Variants in AGBL4 observed in about 807,000 individuals in gnomAD.
AGBL4 encodes cytosolic carboxypeptidase 6.
A neutral mutation model predicts 66.4 loss-of-function variants in AGBL4; 58 were observed. The ratio of observed to expected loss-of-function variants is 0.87; its 90% CI spans 0.71 to 1.09. The LOEUF (loss-of-function observed/expected upper bound fraction) is 1.09. Ranked by LOEUF, AGBL4 falls within the 50% of genes least tolerant of loss-of-function variation. AGBL4 has a pLI of 0.00. For synonymous variants in AGBL4, 234 were observed against 222.9 expected (o/e 1.05, Z -0.44); for missense variants, 579 against 631.0 (o/e 0.92, Z 0.88).
chr1:48,780,030 T>G (rs1645253968), intron 6 of AGBL4, among the ~76,000 whole-genome samples: 1 of 151,390 alleles, frequency 6.6e-6, no homozygotes, highest in Admixed American at 6.6e-5. Context: ...ATTATTAATA[T>G]TATTATTATT....
chr1:49,377,500 A>T (rs1644496432), intron 3 of AGBL4, among the ~76,000 whole-genome samples: 1 of 152,080 alleles, frequency 6.6e-6, no homozygotes, highest in Admixed American at 6.6e-5. Flanking sequence ...CTTTTAACAC[A>T]GGGAAGAATC....
At chr1:50,001,874 T>C (rs1660783233) in intron 1 of AGBL4, among the ~76,000 whole-genome samples, 1 of 152,234 alleles carries the variant, frequency 6.6e-6, no homozygotes, top group South Asian at 2.1e-4. Context: ...CAACAAAATA[T>C]ATCTGATAGC....
intron 1 of AGBL4, among the ~76,000 whole-genome samples, chr1:49,918,883 C>G (rs1329654981): frequency 6.6e-6 from 1 of 152,286 alleles, no homozygotes; most frequent in Non-Finnish European, 1.5e-5. Flanking sequence ...AGCTTATCCA[C>G]CAGGATCAAG....
chr1:49,520,284 T>C (rs1356516338), intron 3 of AGBL4, among the ~76,000 whole-genome samples: 1 of 152,050 alleles, frequency 6.6e-6, no homozygotes, highest in African/African-American at 2.4e-5. Context: ...TGAAAATGTT[T>C]TGAGACTTGA....
chr1:48,909,054 T>C (rs757620318), intron 5 of AGBL4, among the ~76,000 whole-genome samples: 1 of 152,152 alleles, frequency 6.6e-6, no homozygotes, highest in South Asian at 2.1e-4. Context: ...ACTAGCAGTA[T>C]AGCAGATTTA....
intron 4 of AGBL4, among the ~76,000 whole-genome samples, chr1:49,169,403 C>T (rs1206237108): frequency 6.6e-6 from 1 of 152,158 alleles, no homozygotes; most frequent in East Asian, 1.9e-4. Flanking sequence ...TAAGGGCTTG[C>T]ATTTTTCTGT....
At chr1:49,546,018 A>G (rs566427487) in intron 3 of AGBL4, among the ~76,000 whole-genome samples, 223 of 152,222 alleles carry the variant, frequency 1.5e-3, no homozygotes, top group African/African-American at 5.2e-3. Flanking sequence ...GTAGTCTCTT[A>G]TCCCTTGCCT....
chr1:49,022,162 T>C (rs1663299782), intron 5 of AGBL4, among the ~76,000 whole-genome samples: 1 of 152,222 alleles, frequency 6.6e-6, no homozygotes, highest in African/African-American at 2.4e-5. Flanking sequence ...TGGAAACCTC[T>C]ATTTAATCTT....
At chr1:49,950,034 A>G (rs12117511) in intron 1 of AGBL4, among the ~76,000 whole-genome samples, 6 of 134,468 alleles carry the variant, frequency 4.5e-5, no homozygotes, top group African/African-American at 1.6e-4. Flanking sequence ...GTGTGTGTGT[A>G]TATATATACA....
rs371278315 is a variant in AGBL4, at chr1:49,108,225, T to C, written c.378-62425A>G. ...CTGTTGTTACCTATGAATTCTTTTGTTCATGTATCCACTCATTCAACAAAT... is the reference window on the plus strand; with the variant it reads ...CTGTTGTTACCTATGAATTCTTTTGCTCATGTATCCACTCATTCAACAAAT... On this transcript the variant is annotated intron_variant, in intron 4 of 13. Transcript: ENST00000371839. 9.2e-5 allele frequency among the ~76,000 whole-genome samples: 14 copies of C among 152,308 alleles called. 1 individual carries two copies. Among genetic ancestry groups the C allele is most frequent in the African/African-American group, 3.1e-4 (13 of 41,576 alleles).
chr1:49,558,512 T>C (rs913595302), intron 3 of AGBL4, among the ~76,000 whole-genome samples: 12 of 152,084 alleles, frequency 7.9e-5, no homozygotes, highest in African/African-American at 2.9e-4. Flanking sequence ...AGCTAATTTC[T>C]GTATTTTTAG....
intron 3 of AGBL4, among the ~76,000 whole-genome samples, chr1:49,324,632 C>A (rs1358972271): frequency 6.6e-6 from 1 of 152,128 alleles, no homozygotes; most frequent in Non-Finnish European, 1.5e-5. Flanking sequence ...TAGGAGTGAC[C>A]TTCAGCAGCA....
intron 4 of AGBL4, among the ~76,000 whole-genome samples, chr1:49,169,113 G>A (rs540758170): frequency 5.1e-4 from 77 of 152,220 alleles, no homozygotes; most frequent in African/African-American, 8.2e-4. Flanking sequence ...TTGAAAAGCC[G>A]TATTAGCATA....
chr1:48,827,358 C>T (rs1646448480), intron 6 of AGBL4, among the ~76,000 whole-genome samples: 1 of 152,176 alleles, frequency 6.6e-6, no homozygotes, highest in African/African-American at 2.4e-5. Flanking sequence ...GCATGGCAAG[C>T]ACTTTGTAAA....
chr1:48,978,803 A>G (rs941456325), intron 5 of AGBL4, among the ~76,000 whole-genome samples: 4 of 152,156 alleles, frequency 2.6e-5, no homozygotes, highest in African/African-American at 9.7e-5. Flanking sequence ...CAGGATCTCA[A>G]GGTCACTCGA....
chr1:49,510,206 A>G (rs1021944522), intron 3 of AGBL4, among the ~76,000 whole-genome samples: 3 of 152,022 alleles, frequency 2.0e-5, no homozygotes, highest in African/African-American at 7.2e-5. Flanking sequence ...CCAACAGTGT[A>G]AAAGTGTTCC....
intron 4 of AGBL4, among the ~76,000 whole-genome samples, chr1:49,072,846 T>C (rs1644635708): frequency 6.6e-6 from 1 of 152,248 alleles, no homozygotes; most frequent in Admixed American, 6.5e-5. Flanking sequence ...TTTTCCAACT[T>C]GTTTCCATTC....
chr1:49,694,834 T>A (rs940349001), intron 3 of AGBL4, among the ~76,000 whole-genome samples: 2 of 152,074 alleles, frequency 1.3e-5, no homozygotes, highest in African/African-American at 2.4e-5. Context: ...TCTCAAGTAG[T>A]TTAACTGAAG....
chr1:48,946,634 C>T (rs1490501355), intron 5 of AGBL4, among the ~76,000 whole-genome samples: 1 of 152,182 alleles, frequency 6.6e-6, no homozygotes, highest in South Asian at 2.1e-4. Context: ...GTGTCGGGTT[C>T]CTTCCATAAG....
Sources: gnomAD v4.1 joint callset for allele counts (sites outside exome capture counted in the v4.1 genomes callset) on GRCh38, gnomAD v4.1.1 for gene constraint, MANE v1.5 for transcripts, NCBI Gene and HGNC (gene_info 2026-07-23, HGNC 2026-07-21) for gene names.